The following FLI1 variants were observed in gnomAD, a reference collection of about 807,000 sequenced individuals.
The protein encoded by FLI1 is Friend leukemia integration 1 transcription factor.
Under a neutral mutation model 53.1 loss-of-function variants are expected in FLI1, and 13 were observed. The observed-to-expected ratio is 0.24, with a 90% CI of 0.16 to 0.39. The LOEUF is 0.39. Ranked by LOEUF, FLI1 falls within the 10% of genes least tolerant of loss-of-function variation. FLI1 has a pLI of 1.00. For synonymous variants in FLI1, 244 were observed against 236.7 expected (o/e 1.03, Z -0.28); for missense variants, 424 against 600.5 (o/e 0.71, Z 3.07).
intron 1 of FLI1, among the ~76,000 whole-genome samples, chr11:128,734,350 G>C (rs1284111349): frequency 6.6e-6 from 1 of 152,214 alleles, no homozygotes; most frequent in Admixed American, 6.5e-5. Context: ...TACTCAGATG[G>C]AAGAAGGCTA....
Position 128,694,183 on chromosome 11 carries a change from C to G in FLI1, c.-76C>G. On this transcript the variant is annotated 5_prime_UTR_variant, in exon 1 of 9. Transcript: ENST00000527786. ...CCAGGGAGGCCGCGCCGGGCTAATCCGAAGGGGCTGCGAGGTCAGGCTGTA... is the reference window on the plus strand; with the variant it reads ...CCAGGGAGGCCGCGCCGGGCTAATCGGAAGGGGCTGCGAGGTCAGGCTGTA... 1 of 1,482,064 alleles carries G rather than the reference C, an allele frequency of 6.7e-7. No individual in the cohort carries two copies. The highest frequency in any genetic ancestry group is 9.0e-7 in the Non-Finnish European group (1 of 1,113,316). The allele number at this position is 1,482,064 out of a possible 1,614,324, so 91.8% of individuals were successfully genotyped here. A position where few individuals can be genotyped will look rare whatever the true frequency, so the allele number is the denominator to read the frequency against.
chr11:128,686,462 G>A, upstream of FLI1: 1 of 456,388 alleles, frequency 2.2e-6, no homozygotes, highest in South Asian at 1.5e-5. Flanking sequence ...TGAGGCGTAG[G>A]GAGAGTGCTC....
intron 1 of FLI1, among the ~76,000 whole-genome samples, chr11:128,743,405 TA>T (rs373125181): frequency 0.041 from 3,764 of 91,560 alleles, 100 homozygotes; most frequent in African/African-American, 0.11. Flanking sequence ...ACCATGTCTC[TA>T]AAAAAAAAAA....
chr11:128,803,284 A>T (rs3758768), intron 5 of FLI1, among the ~76,000 whole-genome samples: 1 of 151,996 alleles, frequency 6.6e-6, no homozygotes, highest in Non-Finnish European at 1.5e-5. Flanking sequence ...CATGGCTGCA[A>T]GCGCAAAACC....
At chr11:128,793,500 G>A (rs1051817880) in intron 5 of FLI1, among the ~76,000 whole-genome samples, 2 of 152,072 alleles carry the variant, frequency 1.3e-5, no homozygotes, top group African/African-American at 2.4e-5. Flanking sequence ...AGTATTGAGA[G>A]CCAGGGCTTC....
intron 5 of FLI1, among the ~76,000 whole-genome samples, chr11:128,793,990 C>CA (rs1196032553): frequency 3.9e-5 from 6 of 152,180 alleles, no homozygotes; most frequent in African/African-American, 1.2e-4. Context: ...CTACAGTTCT[C>CA]AGTGGCAGTT....
chr11:128,737,361 G>GAC (rs1939953190), intron 1 of FLI1, among the ~76,000 whole-genome samples: 1 of 152,152 alleles, frequency 6.6e-6, no homozygotes, highest in African/African-American at 2.4e-5. Context: ...TTGAATGATA[G>GAC]ACACATATGG....
At chr11:128,685,653 C>T (rs949838629), upstream of FLI1, among the ~76,000 whole-genome samples, 11 of 143,862 alleles carry the variant, frequency 7.6e-5, no homozygotes, top group Non-Finnish European at 4.5e-5. Flanking sequence ...TCTCTGGGCC[C>T]GAGGAATATA....
chr11:128,798,927 C>A (rs1254289946), intron 5 of FLI1, among the ~76,000 whole-genome samples: 1 of 152,082 alleles, frequency 6.6e-6, no homozygotes, highest in Non-Finnish European at 1.5e-5. Context: ...TAGCCATCAG[C>A]CCTCTCTGTC....
intron 1 of FLI1, among the ~76,000 whole-genome samples, chr11:128,712,241 G>C (rs138268942): frequency 5.3e-5 from 8 of 152,254 alleles, no homozygotes; most frequent in Admixed American, 4.6e-4. Context: ...TCCTGCTCTT[G>C]CTATGTGACA....
chr11:128,786,595 C>A (rs897586400), intron 5 of FLI1, among the ~76,000 whole-genome samples: 2 of 152,194 alleles, frequency 1.3e-5, no homozygotes, highest in Non-Finnish European at 2.9e-5. Context: ...TGACTTTCCA[C>A]ACCTTGTTCT....
chr11:128,776,290 C>A (rs1050890113), intron 4 of FLI1, among the ~76,000 whole-genome samples: 3 of 152,110 alleles, frequency 2.0e-5, no homozygotes, highest in East Asian at 1.9e-4. Context: ...ACCCCTCCCC[C>A]CCACCACCAC....
chr11:128,792,525 G>A (rs1030637336), intron 5 of FLI1, among the ~76,000 whole-genome samples: 1 of 152,194 alleles, frequency 6.6e-6, no homozygotes, highest in African/African-American at 2.4e-5. Flanking sequence ...ACGCTTATCA[G>A]TCAAATTCTT....
exon 1 of FLI1, chr11:128,686,664 T>G (rs556650548): frequency 3.1e-5 from 11 of 357,644 alleles, no homozygotes; most frequent in South Asian, 2.1e-4. Flanking sequence ...CTACCCACGA[T>G]GTTTCAGACA....
intron 1 of FLI1, among the ~76,000 whole-genome samples, chr11:128,715,488 T>C (rs1938970486): frequency 2.0e-5 from 3 of 152,250 alleles, no homozygotes; most frequent in Non-Finnish European, 2.9e-5. Flanking sequence ...GCAGAGCCCC[T>C]GCTGTGCAAC....
chr11:128,697,270 A>AC (rs1938119794), intron 1 of FLI1, among the ~76,000 whole-genome samples: 1 of 152,246 alleles, frequency 6.6e-6, no homozygotes, highest in African/African-American at 2.4e-5. Context: ...TGCCTGACTC[A>AC]GTGCACGTGG....
chr11:128,711,154 TAA>T (rs1236161885), intron 1 of FLI1, among the ~76,000 whole-genome samples: 4 of 152,220 alleles, frequency 2.6e-5, no homozygotes, highest in African/African-American at 9.7e-5. Context: ...CTTTTTTCAT[TAA>T]GTCAATTAAG....
At chr11:128,769,606 G>A (rs1251479222) in intron 3 of FLI1, among the ~76,000 whole-genome samples, 2 of 152,170 alleles carry the variant, frequency 1.3e-5, no homozygotes, top group Non-Finnish European at 2.9e-5. Flanking sequence ...GAGCAAGAGT[G>A]AGGCAGCAGA....
intron 1 of FLI1, among the ~76,000 whole-genome samples, chr11:128,698,058 C>T (rs867284423): frequency 6.6e-6 from 1 of 152,260 alleles, no homozygotes; most frequent in African/African-American, 2.4e-5. Context: ...GCACCAACCA[C>T]ACAGCCAGTC....
Sources: allele counts gnomAD v4.1 joint callset (sites outside exome capture counted in the v4.1 genomes callset), GRCh38; gene constraint gnomAD v4.1.1; transcripts MANE v1.5; gene names NCBI Gene and HGNC (gene_info 2026-07-23, HGNC 2026-07-21).